RHOU: variants seen among roughly 807,000 people sequenced by gnomAD.
RHOU encodes the protein rho-related GTP-binding protein RhoU.
In RHOU, 8 loss-of-function variants were observed where a neutral mutation model predicts 12.6. The observed-to-expected ratio is 0.64, with a 90% CI of 0.37 to 1.15. The LOEUF (loss-of-function observed/expected upper bound fraction) is 1.15. Ranked by LOEUF, RHOU falls within the 50% of genes most tolerant of loss-of-function variation. The pLI is 0.01. For missense variants in RHOU, 258 were observed against 347.0 expected (o/e 0.74, Z 2.04); for synonymous variants, 161 against 147.4 (o/e 1.09, Z -0.67).
At chr1:228,701,040 G>T in the RHOU span, among the ~76,000 whole-genome samples, 8 of 152,106 alleles carry the variant, frequency 5.3e-5, no homozygotes, top group Non-Finnish European at 1.0e-4. Flanking sequence ...AGTGAGCTGT[G>T]ACTGTGCCAC....
chr1:228,687,911 C>T, the RHOU span: 3 of 752,398 alleles, frequency 4.0e-6, no homozygotes, highest in Non-Finnish European at 4.7e-6. Context: ...TGTTCTCCCC[C>T]TCTCCCTCCT....
At chr1:228,687,466 G>C in the RHOU span, 2 of 1,555,680 alleles carry the variant, frequency 1.3e-6, no homozygotes, top group Non-Finnish European at 8.8e-7. Context: ...CATGAGGAGA[G>C]GGAACATGCT....
the RHOU span, among the ~76,000 whole-genome samples, chr1:228,686,680 G>A: frequency 2.0e-5 from 3 of 152,298 alleles, no homozygotes; most frequent in Non-Finnish European, 2.9e-5. Context: ...TGGCAACAGA[G>A]TCAGCTCTTA....
chr1:228,690,940 T>A, the RHOU span, among the ~76,000 whole-genome samples: 30 of 152,318 alleles, frequency 2.0e-4, no homozygotes, highest in African/African-American at 5.5e-4. Flanking sequence ...AAAGAGTGTA[T>A]CACATAGTGC....
the RHOU span, among the ~76,000 whole-genome samples, chr1:228,730,470 C>T: frequency 7.2e-5 from 11 of 152,240 alleles, no homozygotes; most frequent in South Asian, 1.7e-3. Context: ...TGCTGGGCAC[C>T]GCTGTGTCCA....
At chr1:228,700,090 T>C in the RHOU span, among the ~76,000 whole-genome samples, 7 of 152,328 alleles carry the variant, frequency 4.6e-5, no homozygotes, top group South Asian at 1.5e-3. Context: ...TAATGGAAGT[T>C]TTAAGGACTC....
chr1:228,737,677 G>A lies in RHOU; in HGVS notation c.267G>A (p.Val89=). 6.2e-7 allele frequency: 1 copy of A among 1,614,150 alleles called. No individual in the cohort carries two copies. Among genetic ancestry groups the A allele is most frequent in the South Asian group, 1.1e-5 (1 of 91,084 alleles). The part of the protein sequence containing the change: ...IPTAFDNFSA[V]VSVDGRPVRL... ...CATTTTGGTTTTGTTTTTAAGCGGT[G>A]GTGTCTGTGGATGGGCGGCCCGTGA... The change falls in exon 2 of 3, where the codon GTG becomes GTA. Residue 89 remains valine (V), a synonymous_variant. Transcript: ENST00000366691. The surrounding 1 kb of genome is among the most constrained non-coding windows in gnomAD (Gnocchi z 4.1).
At chr1:228,697,084 C>T in the RHOU span, among the ~76,000 whole-genome samples, 2 of 152,116 alleles carry the variant, frequency 1.3e-5, no homozygotes, top group Non-Finnish European at 2.9e-5. Context: ...ATTGCCAGGC[C>T]ACCAGTATTA....
At chr1:228,655,473 C>T in the RHOU span, among the ~76,000 whole-genome samples, 2 of 152,168 alleles carry the variant, frequency 1.3e-5, no homozygotes, top group African/African-American at 4.8e-5. Flanking sequence ...AAAAGTGCAA[C>T]TCCTAAGAAA....
At chr1:228,659,954 A>C in the RHOU span, among the ~76,000 whole-genome samples, 1 of 101,608 alleles carries the variant, frequency 9.8e-6, no homozygotes, top group Non-Finnish European at 1.9e-5. Flanking sequence ...CCTGGTCTCT[A>C]CAAAAAAAAA....
chr1:228,707,487 T>G, the RHOU span, among the ~76,000 whole-genome samples: 18 of 151,420 alleles, frequency 1.2e-4, no homozygotes, highest in Non-Finnish European at 1.3e-4. Flanking sequence ...CCTCCTCAAG[T>G]GGGTCCCTGA....
In RHOU at chr1:228,745,415, T is replaced by C. The variant is rs537159942; in HGVS notation, c.*1675T>C. The C allele has an allele frequency of 6.6e-6, 1 of 152,228 alleles. No individual in the cohort carries two copies. The highest frequency in any genetic ancestry group is 1.5e-5 in the Non-Finnish European group (1 of 68,048). 9.4% of individuals were successfully genotyped at this position (152,228 alleles called of 1,614,324 possible). On this transcript the variant is annotated 3_prime_UTR_variant, in exon 3 of 3. Transcript: ENST00000366691. ...TTTCTGTGGGTTTTGTGTTGTCTTTTTTATGTTAAAAAGAAATCCAGTTTG... is the reference window on the plus strand; with the variant it reads ...TTTCTGTGGGTTTTGTGTTGTCTTTCTTATGTTAAAAAGAAATCCAGTTTG...
At chr1:228,720,287 A>G in the RHOU span, among the ~76,000 whole-genome samples, 1 of 152,254 alleles carries the variant, frequency 6.6e-6, no homozygotes, top group East Asian at 1.9e-4. Flanking sequence ...GTAATTTTCC[A>G]TACATAATAC....
At chr1:228,697,017 A>G in the RHOU span, among the ~76,000 whole-genome samples, 1 of 152,232 alleles carries the variant, frequency 6.6e-6, no homozygotes, top group Non-Finnish European at 1.5e-5. Context: ...TCCTGGTGTC[A>G]GTGCTCCCAC....
intron 2 of RHOU, among the ~76,000 whole-genome samples, chr1:228,742,279 G>C (rs1228118301): frequency 6.6e-6 from 1 of 152,208 alleles, no homozygotes; most frequent in African/African-American, 2.4e-5. Context: ...TGGTAATTTG[G>C]AGAACAACAT....
the RHOU span, among the ~76,000 whole-genome samples, chr1:228,716,056 G>A: frequency 6.6e-6 from 1 of 151,912 alleles, no homozygotes; most frequent in African/African-American, 2.4e-5. Context: ...GGGACTACAG[G>A]TGTGCACCAC....
chr1:228,672,345 T>C, the RHOU span, among the ~76,000 whole-genome samples: 4 of 152,250 alleles, frequency 2.6e-5, no homozygotes, highest in East Asian at 7.7e-4. Flanking sequence ...GTATTTTTAG[T>C]AGAATTGTTG....
the RHOU span, among the ~76,000 whole-genome samples, chr1:228,705,670 G>C: frequency 6.6e-6 from 1 of 152,176 alleles, no homozygotes; most frequent in Non-Finnish European, 1.5e-5. Context: ...CTGGATCCAA[G>C]TAAGTTAATT....
At chr1:228,650,090 A>T in the RHOU span, 2 of 415,822 alleles carry the variant, frequency 4.8e-6, no homozygotes, top group Non-Finnish European at 9.3e-6. Context: ...TCATAGAAAG[A>T]ACTCTAACAG....
Sources: gnomAD v4.1 joint callset for allele counts (sites outside exome capture counted in the v4.1 genomes callset) on GRCh38, gnomAD v4.1.1 for gene constraint, Gnocchi (gnomAD v3.1) non-coding constraint, MANE v1.5 for transcripts, NCBI Gene and HGNC (gene_info 2026-07-23, HGNC 2026-07-21) for gene names.